The following MAP3K6 variants were observed in gnomAD, a reference collection of about 807,000 sequenced individuals.
MAP3K6 encodes apoptosis signal-regulating kinase 2.
Under a neutral mutation model 147.1 loss-of-function variants are expected in MAP3K6, and 105 were observed. The ratio of observed to expected loss-of-function variants is 0.71; its 90% confidence interval spans 0.61 to 0.84. The LOEUF (loss-of-function observed/expected upper bound fraction) is 0.84. Among genes scored for constraint, MAP3K6 ranks in the 40% least tolerant of loss-of-function variants. The pLI is 0.00. For missense variants in MAP3K6, 1,569 were observed against 1,715.0 expected (o/e 0.91, Z 1.50); for synonymous variants, 695 against 732.4 (o/e 0.95, Z 0.82).
Position 27,358,619 on chromosome 1 carries a change from G to T in MAP3K6, c.2584-8C>A, listed in dbSNP as rs1385028069. ...GACCTTGTACATACCCACCTGTGGG[G>T]GGAGGGTGAACAAGGGTGACATTCA... is the stretch of plus-strand genomic sequence containing the variant. On this transcript the variant is annotated splice_polypyrimidine_tract_variant and splice_region_variant and intron_variant, in intron 19 of 28. Coordinates refer to ENST00000357582, the MANE Select transcript of MAP3K6 (RefSeq NM_004672.5). The surrounding 1 kb of genome is among the most constrained non-coding windows in gnomAD (Gnocchi z 6.2). The T allele has an allele frequency of 1.2e-6, 2 of 1,613,614 alleles. No individual in the cohort carries two copies. The highest frequency in any genetic ancestry group is 1.7e-5 in the Admixed American group (1 of 59,918).
In MAP3K6 at chr1:27,361,613, C is replaced by T. The variant is rs1401426383; in HGVS notation, c.1593G>A (p.Glu531=). ...QGDQCLVLVL[E]MNKVLLPAKL... ...TTGCAGGCAGCAGCACCTTGTTCAT[C>T]TCCAGGACCAGCACCTGCAGGCAGT... The change falls in exon 11 of 29, where the codon GAG becomes GAA. Residue 531 remains glutamate, a synonymous_variant. Coordinates refer to ENST00000357582, the MANE Select transcript of MAP3K6 (RefSeq NM_004672.5). The T allele has an allele frequency of 3.1e-6, 5 of 1,614,212 alleles. No homozygotes were observed. The South Asian group carries it at 4.4e-5, about 14-fold the overall frequency.
rs745577799 is a variant in MAP3K6, at chr1:27,357,677, C to T, written c.3081+34G>A. The T allele has an allele frequency of 3.4e-5, 55 of 1,602,852 alleles. No homozygotes were observed. In the East Asian group the frequency reaches 9.2e-4, roughly 27 times the overall value. ...CATCAACAGGTGTCCTGACCCTTTGCGACCACCAGGGGGCGCTAGAGTGGG... is the reference window on the plus strand; with the variant it reads ...CATCAACAGGTGTCCTGACCCTTTGTGACCACCAGGGGGCGCTAGAGTGGG... On this transcript the variant is annotated intron_variant, in intron 22 of 28. Coordinates refer to ENST00000357582, the MANE Select transcript of MAP3K6 (RefSeq NM_004672.5).
rs779054519 is a variant in MAP3K6, at chr1:27,357,422, G to T, written c.3236C>A (p.Pro1079Gln). The T allele has an allele frequency of 6.3e-7, 1 of 1,599,894 alleles. No homozygotes were observed. Among genetic ancestry groups the T allele is most frequent in the African/African-American group, 1.3e-5 (1 of 74,502 alleles). The change falls in exon 23 of 29, where the codon CCG becomes CAG. Residue 1079 changes from proline (P) to glutamine (Q), a missense_variant. Transcript: ENST00000357582. ...CACCGCATCCGGGAAGGCAAACAGCGGTCTGTGCAGAAGCGCAGGCCCAAG... is the reference window on the plus strand; with the variant it reads ...CACCGCATCCGGGAAGGCAAACAGCTGTCTGTGCAGAAGCGCAGGCCCAAG... ...QGLGPALLHR[P>Q]LFAFPDAVKQ... is the part of the protein sequence containing the mutation.
chr1:27,356,699 C>T lies in MAP3K6; in HGVS notation c.3415G>A (p.Gly1139Arg), dbSNP rs1270361983. Residue 1139 changes from glycine to arginine, a missense_variant, in exon 25 of 29, where the codon GGG (glycine) becomes AGG (arginine). By Grantham distance (125) the Gly-to-Arg change is moderately radical. Transcript: ENST00000357582. ...SPRSEELSNE[G>R]DSQQSPGQQS... ...TGGCCTGGGCTCTGCTGGGAGTCCC[C>T]TTCATTACTCAGCTCCTCTGACCTC... 6.2e-7 allele frequency: 1 copy of T among 1,605,752 alleles called. No homozygotes were observed. Among genetic ancestry groups the T allele is most frequent in the South Asian group, 1.1e-5 (1 of 90,082 alleles).
chr1:27,361,747 G>A lies in MAP3K6; in HGVS notation c.1536C>T (p.Cys512=). ...GGGCACAGGCTGTCTTGAATGGTTG[G>A]CAGGACTGTAGCAAGAAGTGGAGCC... ...HFWLHFLLQS[C]QPFKTACAQG... is the part of the protein sequence containing the mutation. The change falls in exon 10 of 29, where the codon TGC becomes TGT. Residue 512 remains cysteine, a synonymous_variant. Coordinates refer to ENST00000357582, the MANE Select transcript of MAP3K6 (RefSeq NM_004672.5). 6.2e-7 allele frequency: 1 copy of A among 1,613,450 alleles called. No individual in the cohort carries two copies. Among genetic ancestry groups the A allele is most frequent in the Non-Finnish European group, 8.5e-7 (1 of 1,179,686 alleles).
rs114560243 is a variant in MAP3K6, at chr1:27,358,457, C to T, written c.2738G>A (p.Arg913His). Reference protein sequence around the residue: ...DPFLQPGKRSRSPSSPRHAPR... With the variant: ...DPFLQPGKRSHSPSSPRHAPR... ...AGCATGTCGTGGGGAGCTGGGGCTGCGGCTCCTTTTCCCAGGCTGCAGGAA... is the reference window on the plus strand; with the variant it reads ...AGCATGTCGTGGGGAGCTGGGGCTGTGGCTCCTTTTCCCAGGCTGCAGGAA... The change falls in exon 20 of 29, where the codon CGC becomes CAC. Residue 913 changes from arginine to histidine, a missense_variant. By Grantham distance (29) the Arg-to-His change is conservative. Coordinates refer to ENST00000357582, the MANE Select transcript of MAP3K6 (RefSeq NM_004672.5). This position sits in a 1 kb window ranked among gnomAD's most constrained non-coding sequence, Gnocchi z 6.2. 4.7e-4 allele frequency: 745 copies of T among 1,594,084 alleles called. 2 individuals are homozygous for T. In the African/African-American group the frequency reaches 8.5e-3, roughly 18 times the overall value.
Position 27,364,112 on chromosome 1 carries a change from G to A in MAP3K6, c.696-27C>T, listed in dbSNP as rs1304383250. On this transcript the variant is annotated intron_variant, in intron 4 of 28. Coordinates refer to ENST00000357582, the MANE Select transcript of MAP3K6 (RefSeq NM_004672.5). This position sits in a 1 kb window ranked among gnomAD's most constrained non-coding sequence, Gnocchi z 4.4. ...TGATGCCCAGGGTAGGGGAGGCAGG[G>A]AGAGAGAATGGTGGGGCCTGTACCT... 6.2e-7 allele frequency: 1 copy of A among 1,606,146 alleles called. No homozygotes were observed. The highest frequency in any genetic ancestry group is 8.5e-7 in the Non-Finnish European group (1 of 1,176,122).
rs1206305883 is a variant in MAP3K6, at chr1:27,356,676, G to T, written c.3438C>A (p.Gly1146=). 1.2e-6 allele frequency: 2 copies of T among 1,610,748 alleles called. No individual in the cohort carries two copies. The highest frequency in any genetic ancestry group is 1.7e-6 in the Non-Finnish European group (2 of 1,178,412). Residue 1146 remains glycine (G), a synonymous_variant, in exon 25 of 29, where the codon GGC becomes GGA. Transcript: ENST00000357582. ...SNEGDSQQSP[G]QQSPLPVEPE... is the part of the protein sequence containing the mutation. ...GCTCCACCGGAAGCGGGCTCTGCTGGCCTGGGCTCTGCTGGGAGTCCCCTT... is the reference window on the plus strand; with the variant it reads ...GCTCCACCGGAAGCGGGCTCTGCTGTCCTGGGCTCTGCTGGGAGTCCCCTT...
At chr1:27,356,952 G>C in intron 24 of MAP3K6, 57 bp downstream of exon 24, 2 of 1,556,428 alleles carry the variant, frequency 1.3e-6, no homozygotes, top group East Asian at 4.6e-5. Context: ...GATGTTCACC[G>C]CGCCCAGCAA....
Position 27,359,890 on chromosome 1 carries a change from G to A in MAP3K6, c.2287C>T (p.His763Tyr), listed in dbSNP as rs1343080695. ...RQILQGLGYL[H>Y]DNHIVHRDIK... ...TCCCTGTGCACGATGTGGTTGTCGT[G>A]CAAGTAGCCAAGTCCCTGCAGGATC... The change falls in exon 17 of 29, where the codon CAC becomes TAC. Residue 763 changes from histidine (H) to tyrosine (Y), a missense_variant. His to Tyr is a moderately conservative substitution (Grantham distance 83, BLOSUM62 2). Transcript: ENST00000357582. The surrounding 1 kb of genome is among the most constrained non-coding windows in gnomAD (Gnocchi z 4.4). 3.7e-6 allele frequency: 6 copies of A among 1,614,032 alleles called. No individual in the cohort carries two copies. Among genetic ancestry groups the A allele is most frequent in the African/African-American group, 1.3e-5 (1 of 74,904 alleles).
intron 9 of MAP3K6, 31 bp from the exon 10 acceptor site, chr1:27,361,898 C>G: frequency 6.6e-7 from 1 of 1,514,298 alleles, no homozygotes; most frequent in Non-Finnish European, 8.9e-7. Flanking sequence ...TCAGTTCAGC[C>G]CAGGCACCAA....
Position 27,359,654 on chromosome 1 carries a change from C to G in MAP3K6, c.2320-132G>C. The G allele has an allele frequency of 7.0e-7, 1 of 1,426,768 alleles. No homozygotes were observed. The highest frequency in any genetic ancestry group is 9.6e-7 in the Non-Finnish European group (1 of 1,045,158). The allele number at this position is 1,426,768 out of a possible 1,614,324, so 88.4% of individuals were successfully genotyped here. On this transcript the variant is annotated intron_variant, in intron 17 of 28. Transcript: ENST00000357582. The surrounding 1 kb of genome is among the most constrained non-coding windows in gnomAD (Gnocchi z 4.4). ...TCAACACTCTCCCCTTGCCATCCCA[C>G]TTATATGCCCCTCTGGGAGCTGACA... is the stretch of plus-strand genomic sequence containing the variant.
At chr1:27,363,648 C>G (rs532031354) in intron 5 of MAP3K6, 100 bp from the exon 6 acceptor site, 24 of 944,744 alleles carry the variant, frequency 2.5e-5, no homozygotes, top group African/African-American at 2.3e-4. Context: ...ACCCAGCCAC[C>G]ATCTTCTGCA....
chr1:27,360,644 T>G lies in MAP3K6; in HGVS notation c.2054+61A>C. On this transcript the variant is annotated intron_variant, in intron 15 of 28. Coordinates refer to ENST00000357582, the MANE Select transcript of MAP3K6 (RefSeq NM_004672.5). This position sits in a 1 kb window ranked among gnomAD's most constrained non-coding sequence, Gnocchi z 4.5. ...CCGCCCACAGGAGCCGCTCCGCTCG[T>G]GGCCCGGCTCACTCGGCCCTCGCGA... 1 of 1,558,450 alleles carries G rather than the reference T, an allele frequency of 6.4e-7. No individual in the cohort carries two copies. Among genetic ancestry groups the G allele is most frequent in the Non-Finnish European group, 8.7e-7 (1 of 1,154,834 alleles).
chr1:27,357,110 T>C lies in MAP3K6; in HGVS notation c.3263A>G (p.Lys1088Arg). ...GATCTGGCGCTTGCGGAGGATCTGC[T>C]TCACCTGCAGGGGGAGGGAGGCGCC... Reference protein sequence around the residue: ...RPLFAFPDAVKQILRKRQIRP... With the variant: ...RPLFAFPDAVRQILRKRQIRP... Residue 1088 changes from lysine to arginine, a missense_variant, in exon 24 of 29, where the codon AAG (lysine) becomes AGG (arginine). By Grantham distance (26) the Lys-to-Arg change is conservative. Transcript: ENST00000357582. 1.2e-6 allele frequency: 2 copies of C among 1,613,462 alleles called. No homozygotes were observed. Among genetic ancestry groups the C allele is most frequent in the South Asian group, 1.1e-5 (1 of 91,066 alleles).
At chr1:27,363,095 C>A in intron 6 of MAP3K6, 74 bp from the exon 7 acceptor site, 1 of 1,355,840 alleles carries the variant, frequency 7.4e-7, no homozygotes, top group Non-Finnish European at 1.0e-6. Flanking sequence ...AGACACTGAA[C>A]CAGCAGGGAC....
chr1:27,360,828 T>C lies in MAP3K6; in HGVS notation c.1931A>G (p.Glu644Gly), dbSNP rs754731744. The C allele has an allele frequency of 6.2e-7, 1 of 1,612,798 alleles. No homozygotes were observed. The highest frequency in any genetic ancestry group is 8.5e-7 in the Non-Finnish European group (1 of 1,179,836). Reference sequence around the variant, plus strand: ...CAGCCGCTCGCCCGTCTCCGTGTACTCATAATCAAACTGCCGGGCGCGGGG... The same window carrying C: ...CAGCCGCTCGCCCGTCTCCGTGTACCCATAATCAAACTGCCGGGCGCGGGG... Reference protein sequence around the residue: ...GAGEMLEFDYEYTETGERLVL... With the variant: ...GAGEMLEFDYGYTETGERLVL... The change falls in exon 15 of 29, where the codon GAG becomes GGG. Residue 644 changes from glutamate (E) to glycine (G), a missense_variant. Coordinates refer to ENST00000357582, the MANE Select transcript of MAP3K6 (RefSeq NM_004672.5). This position sits in a 1 kb window ranked among gnomAD's most constrained non-coding sequence, Gnocchi z 4.5.
In MAP3K6 at chr1:27,361,810, T is replaced by C; in HGVS notation, c.1473A>G (p.Pro491=). 6.2e-7 allele frequency: 1 copy of C among 1,606,900 alleles called. No individual in the cohort carries two copies. ...FLLYQHFRPT[P]EPPGGPPRRA... The stretch of plus-strand genomic sequence containing the variant: ...GGCGTGGTGGCCCTCCAGGGGGCTC[T>C]GGCGTGGGCCTGAAGTGCTGGTAGA... Residue 491 remains proline (P), a synonymous_variant, in exon 10 of 29, where the codon CCA becomes CCG. Coordinates refer to ENST00000357582, the MANE Select transcript of MAP3K6 (RefSeq NM_004672.5).
At chr1:27,363,673 C>A in intron 5 of MAP3K6, 125 bp from the exon 6 acceptor site, 1 of 814,662 alleles carries the variant, frequency 1.2e-6, no homozygotes, top group Non-Finnish European at 1.9e-6. Context: ...TCCCTCAGGC[C>A]CAGCGGACAC....
Sources: gnomAD v4.1 joint callset for allele counts on GRCh38, gnomAD v4.1.1 for gene constraint, Gnocchi (gnomAD v3.1) non-coding constraint, MANE v1.5 for transcripts, NCBI Gene and HGNC (gene_info 2026-07-23, HGNC 2026-07-21) for gene names.